The following PCDH15 variants were observed in gnomAD, a reference collection of about 807,000 sequenced individuals.
PCDH15 encodes the protein protocadherin-15.
A neutral mutation model predicts 178.5 loss-of-function variants in PCDH15; 129 were observed. The ratio of observed to expected loss-of-function variants is 0.72; its 90% CI spans 0.63 to 0.84. PCDH15 has a LOEUF of 0.84. Among genes scored for constraint, PCDH15 ranks in the 40% least tolerant of loss-of-function variants. The pLI is 0.00. For synonymous variants in PCDH15, 800 were observed against 732.0 expected (o/e 1.09, Z -1.50); for missense variants, 2,230 against 2,099.9 (o/e 1.06, Z -1.21).
At chr10:54,168,341 G>A (rs951016776) in intron 13 of PCDH15, among the ~76,000 whole-genome samples, 226 of 151,666 alleles carry the variant, frequency 1.5e-3, no homozygotes, top group African/African-American at 4.3e-3. Context: ...TTTCCCTCCC[G>A]CCTGTCCCCT....
intron 2 of PCDH15, among the ~76,000 whole-genome samples, chr10:55,069,505 C>A (rs1464589193): frequency 6.6e-5 from 9 of 135,752 alleles, no homozygotes; most frequent in African/African-American, 2.2e-4. Context: ...TCAATTCCCA[C>A]CTATGAGTGA....
intron 2 of PCDH15, among the ~76,000 whole-genome samples, chr10:55,509,229 G>C (rs774324786): frequency 2.6e-5 from 4 of 151,740 alleles, no homozygotes; most frequent in Non-Finnish European, 4.4e-5. Context: ...AAGATTTTAG[G>C]ATATAGTAAA....
chr10:54,263,392 A>G (rs1010575608), intron 8 of PCDH15, among the ~76,000 whole-genome samples: 7 of 152,122 alleles, frequency 4.6e-5, no homozygotes, highest in Admixed American at 6.5e-5. Context: ...CTCCATCTCC[A>G]CTTCCCAGTG....
chr10:54,911,467 C>A (rs1377802138), intron 2 of PCDH15, among the ~76,000 whole-genome samples: 1 of 152,106 alleles, frequency 6.6e-6, no homozygotes, highest in Non-Finnish European at 1.5e-5. Flanking sequence ...TTTTAATAAT[C>A]TATATGATGG....
At chr10:54,337,071 T>C (rs1197003392) in intron 6 of PCDH15, among the ~76,000 whole-genome samples, 1 of 151,872 alleles carries the variant, frequency 6.6e-6, no homozygotes, top group African/African-American at 2.4e-5. Context: ...TATAGGGCCT[T>C]TAGACCCTTT....
intron 2 of PCDH15, among the ~76,000 whole-genome samples, chr10:55,542,024 C>T (rs1841771250): frequency 6.6e-6 from 1 of 151,690 alleles, no homozygotes; most frequent in South Asian, 2.1e-4. Flanking sequence ...TGCAAATGAT[C>T]TCTAAAATTT....
chr10:54,671,155 G>T (rs2094660929), intron 1 of PCDH15, among the ~76,000 whole-genome samples: 1 of 151,994 alleles, frequency 6.6e-6, no homozygotes, highest in South Asian at 2.1e-4. Context: ...ATATAACCAA[G>T]TAAATTTAAA....
rs2082430211 is a variant in PCDH15, at chr10:53,903,098, A to C, written c.3501+145T>G. On this transcript the variant is annotated intron_variant, in intron 26 of 37. Coordinates refer to ENST00000644397, the MANE Select transcript of PCDH15 (RefSeq NM_001384140.1). ...ACCTGATATAATCTGTATTGAGTTT[A>C]GATAACTAAACTAATATAGCTCCAA... 7.3e-6 allele frequency: 6 copies of C among 819,178 alleles called. No individual in the cohort carries two copies. In the Admixed American group the frequency reaches 1.7e-4, roughly 23 times the overall value. 50.7% of individuals were successfully genotyped at this position (819,178 alleles called of 1,614,324 possible). A position where few individuals can be genotyped will look rare whatever the true frequency, so the allele number is the denominator to read the frequency against.
At chr10:54,191,234 G>A (rs994077306) in intron 11 of PCDH15, among the ~76,000 whole-genome samples, 1 of 152,164 alleles carries the variant, frequency 6.6e-6, no homozygotes, top group Admixed American at 6.5e-5. Context: ...GTAAACTCAT[G>A]AGGGAGAAAG....
intron 2 of PCDH15, among the ~76,000 whole-genome samples, chr10:55,463,626 A>C (rs1839726676): frequency 2.0e-5 from 3 of 152,032 alleles, no homozygotes; most frequent in Non-Finnish European, 4.4e-5. Context: ...GCCACTGCCC[A>C]ATGTATGTGA....
intron 2 of PCDH15, among the ~76,000 whole-genome samples, chr10:54,945,477 T>G (rs1720072248): frequency 6.6e-6 from 1 of 151,712 alleles, no homozygotes; most frequent in Admixed American, 6.6e-5. Context: ...TTTTTGGTGT[T>G]TTTTTGATGT....
chr10:55,264,777 C>T (rs1842236376), intron 1 of PCDH15, among the ~76,000 whole-genome samples: 1 of 152,154 alleles, frequency 6.6e-6, no homozygotes, highest in Non-Finnish European at 1.5e-5. Context: ...TTATGATTTA[C>T]AGCAAGGAAT....
At chr10:54,330,261 T>G (rs977402770) in intron 6 of PCDH15, among the ~76,000 whole-genome samples, 1 of 151,844 alleles carries the variant, frequency 6.6e-6, no homozygotes. Context: ...GTGACTATTA[T>G]AGAGTGTAGA....
rs144072651 is a variant in PCDH15, at chr10:54,224,932, C to T, written c.986-10884G>A. 4.3e-3 allele frequency among the ~76,000 whole-genome samples: 649 copies of T among 152,134 alleles called. 4 individuals are homozygous for T. The highest frequency in any genetic ancestry group is 0.015 in the African/African-American group (622 of 41,522). On this transcript the variant is annotated intron_variant, in intron 9 of 37. Transcript: ENST00000644397. ...TTTTTCAGCTACTTGTTATAAATAA[C>T]GAACTTCATTTTCTTATCGAAAATG... is the stretch of plus-strand genomic sequence containing the variant.
chr10:55,245,173 C>G (rs913527401), intron 1 of PCDH15, among the ~76,000 whole-genome samples: 4 of 151,980 alleles, frequency 2.6e-5, no homozygotes, highest in African/African-American at 9.7e-5. Context: ...ATAGAAGTTA[C>G]TGCTTCAGTT....
chr10:53,998,414 T>G (rs1232928299), intron 20 of PCDH15, among the ~76,000 whole-genome samples: 1 of 152,200 alleles, frequency 6.6e-6, no homozygotes, highest in Non-Finnish European at 1.5e-5. Flanking sequence ...AATAAAATTA[T>G]ACCTGAAGGT....
At chr10:54,908,501 C>T (rs943284315) in intron 2 of PCDH15, among the ~76,000 whole-genome samples, 6 of 152,150 alleles carry the variant, frequency 3.9e-5, no homozygotes, top group African/African-American at 1.4e-4. Context: ...CTCTTACCTC[C>T]TCTCATCCCT....
intron 2 of PCDH15, among the ~76,000 whole-genome samples, chr10:54,581,605 C>G (rs74620113): frequency 6.6e-6 from 1 of 151,782 alleles, no homozygotes; most frequent in Non-Finnish European, 1.5e-5. Context: ...CAAAAAATAG[C>G]CTGAATAGCT....
At chr10:54,837,795 G>A (rs1189303184) in intron 3 of PCDH15, among the ~76,000 whole-genome samples, 1 of 152,092 alleles carries the variant, frequency 6.6e-6, no homozygotes, top group Non-Finnish European at 1.5e-5. Flanking sequence ...CAAAACTTTG[G>A]TGATATACAA....
Sources: allele counts gnomAD v4.1 joint callset (sites outside exome capture counted in the v4.1 genomes callset), GRCh38; gene constraint gnomAD v4.1.1; transcripts MANE v1.5; gene names NCBI Gene and HGNC (gene_info 2026-07-23, HGNC 2026-07-21).